The following QTMAN variants were observed in gnomAD, a reference collection of about 807,000 sequenced individuals.
The protein encoded by QTMAN is queuosine-tRNA mannosyltransferase, also known as tRNA-queuosine alpha-mannosyltransferase.
chr2:144,141,754 T>C, the QTMAN span: 38 of 642,472 alleles, frequency 5.9e-5, no homozygotes, highest in African/African-American at 5.6e-4. Context: ...CATGGTGAGA[T>C]AGAACTTAAT....
the QTMAN span, among the ~76,000 whole-genome samples, chr2:144,080,266 A>G: frequency 2.0e-5 from 3 of 152,190 alleles, no homozygotes; most frequent in Non-Finnish European, 2.9e-5. Context: ...AGAGTGTACA[A>G]TTAAATACAC....
At chr2:144,010,085 A>G in the QTMAN span, among the ~76,000 whole-genome samples, 1 of 151,914 alleles carries the variant, frequency 6.6e-6, no homozygotes, top group Non-Finnish European at 1.5e-5. Flanking sequence ...AAAAGAAAAA[A>G]AAAATCTATG....
At chr2:144,268,561 T>C in the QTMAN span, among the ~76,000 whole-genome samples, 34 of 152,336 alleles carry the variant, frequency 2.2e-4, no homozygotes, top group East Asian at 6.2e-3. Flanking sequence ...AAGGATCTGC[T>C]AGCACTTTGA....
At chr2:144,092,417 C>G in the QTMAN span, among the ~76,000 whole-genome samples, 1 of 152,026 alleles carries the variant, frequency 6.6e-6, no homozygotes, top group East Asian at 1.9e-4. Flanking sequence ...CCTTGTGATC[C>G]GCCCACCTCG....
the QTMAN span, among the ~76,000 whole-genome samples, chr2:144,261,843 TTTTATTTA>T: frequency 1.2e-4 from 18 of 152,156 alleles, no homozygotes; most frequent in African/African-American, 4.3e-4. Context: ...ATCACCTTCT[TTTTATTTA>T]TTTATTTATT....
the QTMAN span, among the ~76,000 whole-genome samples, chr2:143,984,383 GAGA>G: frequency 2.0e-5 from 3 of 152,198 alleles, no homozygotes; most frequent in Admixed American, 6.5e-5. Flanking sequence ...TAGATTTTCA[GAGA>G]AGGTCAGCAG....
chr2:144,138,270 A>C, the QTMAN span, among the ~76,000 whole-genome samples: 1 of 152,104 alleles, frequency 6.6e-6, no homozygotes, highest in Admixed American at 6.6e-5. Context: ...GGCAGTGGTG[A>C]CCCTGACTAA....
At chr2:144,242,510 C>A in the QTMAN span, among the ~76,000 whole-genome samples, 2 of 152,234 alleles carry the variant, frequency 1.3e-5, no homozygotes, top group East Asian at 3.9e-4. Context: ...CATGGAGCAG[C>A]TTTACATAAG....
chr2:144,134,660 G>C, the QTMAN span, among the ~76,000 whole-genome samples: 1 of 152,096 alleles, frequency 6.6e-6, no homozygotes, highest in Non-Finnish European at 1.5e-5. Flanking sequence ...TTCTGTTGTA[G>C]TGATCATAGC....
chr2:144,191,112 T>C, the QTMAN span, among the ~76,000 whole-genome samples: 1 of 152,208 alleles, frequency 6.6e-6, no homozygotes, highest in Non-Finnish European at 1.5e-5. Flanking sequence ...ATATTGCCAC[T>C]GTGTCATGGA....
At chr2:143,942,340 T>A in the QTMAN span, 2 of 167,136 alleles carry the variant, frequency 1.2e-5, no homozygotes, top group Admixed American at 1.3e-4. Context: ...CTGAAGCCAT[T>A]TGTGCCTCAC....
chr2:144,275,757 T>A, the QTMAN span, among the ~76,000 whole-genome samples: 3 of 150,944 alleles, frequency 2.0e-5, no homozygotes, highest in Admixed American at 6.6e-5. Context: ...CCAATTCACG[T>A]ATCTACACTA....
chr2:143,990,044 T>C, the QTMAN span, among the ~76,000 whole-genome samples: 3 of 152,060 alleles, frequency 2.0e-5, no homozygotes, highest in Admixed American at 6.6e-5. Context: ...AATCTCTCAG[T>C]GTGGGGGGCT....
chr2:144,117,696 A>G, the QTMAN span, among the ~76,000 whole-genome samples: 5 of 152,176 alleles, frequency 3.3e-5, no homozygotes, highest in South Asian at 4.1e-4. Context: ...TGACAGGTTG[A>G]TAAGTTAGTG....
chr2:144,072,469 G>A, the QTMAN span, among the ~76,000 whole-genome samples: 11 of 152,282 alleles, frequency 7.2e-5, no homozygotes, highest in East Asian at 1.9e-4. Context: ...CACTTAGTCC[G>A]TCTTCTCATT....
At chr2:144,312,181 CTTTT>C in the QTMAN span, among the ~76,000 whole-genome samples, 25 of 131,178 alleles carry the variant, frequency 1.9e-4, no homozygotes, top group African/African-American at 6.2e-4. Context: ...GAGTTACATT[CTTTT>C]TTTTTTTTTT....
chr2:144,069,059 T>C, the QTMAN span, among the ~76,000 whole-genome samples: 1 of 152,164 alleles, frequency 6.6e-6, no homozygotes, highest in African/African-American at 2.4e-5. Context: ...GTTTTAAATA[T>C]GGAAAGTACG....
At chr2:144,108,152 T>C in the QTMAN span, among the ~76,000 whole-genome samples, 1 of 152,196 alleles carries the variant, frequency 6.6e-6, no homozygotes, top group African/African-American at 2.4e-5. Context: ...AATATCATAC[T>C]GAATGGGCAA....
chr2:144,176,647 CAATT>C, the QTMAN span, among the ~76,000 whole-genome samples: 1 of 151,968 alleles, frequency 6.6e-6, no homozygotes, highest in Non-Finnish European at 1.5e-5. Flanking sequence ...ATAGTGCACA[CAATT>C]AATATGTTAT....
Sources: gnomAD v4.1 joint callset for allele counts (sites outside exome capture counted in the v4.1 genomes callset) on GRCh38, gnomAD v4.1.1 for gene constraint, MANE v1.5 for transcripts, NCBI Gene and HGNC (gene_info 2026-07-23, HGNC 2026-07-21) for gene names.